Variants in DCDC1 observed in about 807,000 individuals in gnomAD.
DCDC1 encodes doublecortin domain containing 1.
In DCDC1, 200 loss-of-function variants were observed where a neutral mutation model predicts 178.3. The observed-to-expected ratio is 1.12, with a 90% confidence interval of 1.00 to 1.26. The LOEUF (loss-of-function observed/expected upper bound fraction) is 1.26, where lower values mean the gene tolerates loss of function less well. Ranked by LOEUF, DCDC1 falls within the 50% of genes most tolerant of loss-of-function variation. The pLI is 0.00. For missense variants in DCDC1, 1,983 were observed against 1,749.2 expected (o/e 1.13, Z -2.38); for synonymous variants, 690 against 604.8 (o/e 1.14, Z -2.07).
chr11:31,047,130 C>T (rs1954891310), intron 20 of DCDC1, among the ~76,000 whole-genome samples: 1 of 152,036 alleles, frequency 6.6e-6, no homozygotes, highest in South Asian at 2.1e-4. Context: ...TAACTTCTAC[C>T]CTGTGTTCCA....
chr11:30,938,335 G>A (rs1286348413), intron 21 of DCDC1, among the ~76,000 whole-genome samples: 6 of 151,930 alleles, frequency 3.9e-5, no homozygotes, highest in Non-Finnish European at 7.4e-5. Context: ...CTGTCTGTCT[G>A]CAAAGACGGA....
chr11:31,069,925 G>A (rs1956454335), intron 18 of DCDC1, among the ~76,000 whole-genome samples: 1 of 152,166 alleles, frequency 6.6e-6, no homozygotes, highest in African/African-American at 2.4e-5. Context: ...CAGAAGCAAA[G>A]ACCAAAAGTA....
At chr11:31,128,219 A>G (rs946194727) in intron 10 of DCDC1, among the ~76,000 whole-genome samples, 2 of 152,052 alleles carry the variant, frequency 1.3e-5, no homozygotes, top group African/African-American at 4.8e-5. Context: ...TTCAAAGACA[A>G]TGCTCTGTTC....
chr11:30,912,091 G>A (rs1224794391), intron 27 of DCDC1, among the ~76,000 whole-genome samples: 1 of 152,030 alleles, frequency 6.6e-6, no homozygotes, highest in Non-Finnish European at 1.5e-5. Flanking sequence ...ATAAGAAAAG[G>A]AATGTGACGT....
chr11:31,237,707 A>G (rs1024861348), intron 9 of DCDC1, among the ~76,000 whole-genome samples: 2 of 152,090 alleles, frequency 1.3e-5, no homozygotes, highest in Admixed American at 1.3e-4. Flanking sequence ...ATACACTACC[A>G]AAGTTTAGAA....
chr11:31,262,513 A>T (rs1223898614), intron 8 of DCDC1: 2 of 152,200 alleles, frequency 1.3e-5, no homozygotes, highest in Admixed American at 6.6e-5. Context: ...TGGTACAATT[A>T]CACTTCTAAT....
chr11:31,369,025 G>C (rs1952127677), intron 1 of DCDC1, among the ~76,000 whole-genome samples: 1 of 152,004 alleles, frequency 6.6e-6, no homozygotes, highest in Non-Finnish European at 1.5e-5. Flanking sequence ...TAACTGCTTC[G>C]AAGAAGAACA....
At chr11:31,052,916 C>T (rs1290570279) in intron 20 of DCDC1, among the ~76,000 whole-genome samples, 1 of 151,938 alleles carries the variant, frequency 6.6e-6, no homozygotes, top group Non-Finnish European at 1.5e-5. Flanking sequence ...TAAGGTCACA[C>T]CTCAAGGAAC....
chr11:31,350,975 T>C (rs1951044121), intron 1 of DCDC1, among the ~76,000 whole-genome samples: 1 of 152,066 alleles, frequency 6.6e-6, no homozygotes, highest in Non-Finnish European at 1.5e-5. Flanking sequence ...GATTGAATTG[T>C]TTATGTTTTA....
At chr11:31,182,447 T>C (rs566121929) in intron 9 of DCDC1, among the ~76,000 whole-genome samples, 1 of 152,240 alleles carries the variant, frequency 6.6e-6, no homozygotes, top group South Asian at 2.1e-4. Flanking sequence ...GGAAATAATT[T>C]TCAACCCAGA....
chr11:31,253,711 T>C (rs1043894951), intron 8 of DCDC1, among the ~76,000 whole-genome samples: 1 of 152,184 alleles, frequency 6.6e-6, no homozygotes, highest in Non-Finnish European at 1.5e-5. Context: ...CCACAAAAAT[T>C]GAGAAATAGT....
intron 11 of DCDC1, among the ~76,000 whole-genome samples, chr11:31,114,475 G>C (rs1288071681): frequency 1.3e-5 from 2 of 152,140 alleles, no homozygotes; most frequent in African/African-American, 4.8e-5. Flanking sequence ...CAAGGAGTGT[G>C]ATGGATGTGC....
chr11:31,016,062 G>A (rs537474531), intron 20 of DCDC1, among the ~76,000 whole-genome samples: 1 of 152,258 alleles, frequency 6.6e-6, no homozygotes, highest in South Asian at 2.1e-4. Flanking sequence ...GAAAGAGGGG[G>A]GTTGGGTCCC....
chr11:31,161,922 C>G (rs1195339291), intron 9 of DCDC1, among the ~76,000 whole-genome samples: 1 of 152,032 alleles, frequency 6.6e-6, no homozygotes, highest in Non-Finnish European at 1.5e-5. Flanking sequence ...ATTGTATTAA[C>G]AAAAGAGGCC....
At chr11:30,867,058 C>T (rs1222482453) in intron 38 of DCDC1, among the ~76,000 whole-genome samples, 1 of 152,168 alleles carries the variant, frequency 6.6e-6, no homozygotes, top group Non-Finnish European at 1.5e-5. Context: ...TGTTCTCACA[C>T]CTTGGGTTGG....
intron 9 of DCDC1, among the ~76,000 whole-genome samples, chr11:31,152,978 C>T (rs1175968568): frequency 1.3e-5 from 2 of 152,206 alleles, no homozygotes; most frequent in African/African-American, 4.8e-5. Context: ...TCTATCTCTA[C>T]ATATTGTTGC....
At chr11:31,189,553 AG>A (rs1969903274) in intron 9 of DCDC1, among the ~76,000 whole-genome samples, 1 of 152,182 alleles carries the variant, frequency 6.6e-6, no homozygotes, top group Non-Finnish European at 1.5e-5. Flanking sequence ...GGAGATCAGA[AG>A]TTTAAAATGG....
chr11:30,881,023 C>T, intron 37 of DCDC1, 135 bp downstream of exon 37: 1 of 1,007,232 alleles, frequency 9.9e-7, no homozygotes, highest in Middle Eastern at 3.2e-4. Flanking sequence ...AATTTAACTT[C>T]CATAACATGG....
chr11:31,365,883 A>G (rs1400048063), intron 1 of DCDC1, among the ~76,000 whole-genome samples: 4 of 152,140 alleles, frequency 2.6e-5, no homozygotes, highest in Non-Finnish European at 5.9e-5. Flanking sequence ...TTTGGGTTTG[A>G]TTTTATTTTT....
Sources: allele counts gnomAD v4.1 joint callset (sites outside exome capture counted in the v4.1 genomes callset), GRCh38; gene constraint gnomAD v4.1.1; transcripts MANE v1.5; gene names NCBI Gene and HGNC (gene_info 2026-07-23, HGNC 2026-07-21).